Variants in TIMELESS observed in about 807,000 individuals in gnomAD.
TIMELESS encodes the protein timeless circadian regulator.
TIMELESS carries 124 observed loss-of-function variants against 164.3 expected under a neutral mutation model. The ratio of observed to expected loss-of-function variants is 0.75; its 90% CI spans 0.65 to 0.88. The LOEUF (loss-of-function observed/expected upper bound fraction) is 0.88, where lower values mean the gene tolerates loss of function less well. Ranked by LOEUF, TIMELESS falls within the 40% of genes least tolerant of loss-of-function variation. The pLI is 0.00. For missense variants in TIMELESS, 1,422 were observed against 1,491.4 expected, an observed-to-expected ratio of 0.95 and a Z score of 0.77; for synonymous variants, 564 against 563.4, an observed-to-expected ratio of 1.00 and a Z score of -0.02.
intron 8 of TIMELESS, 72 bp from the exon 9 acceptor site, chr12:56,431,040 C>G (rs1276406777): frequency 9.4e-7 from 1 of 1,065,366 alleles, no homozygotes; most frequent in African/African-American, 1.6e-5. Context: ...CTATCATCGG[C>G]ACATTGGAGC....
chr12:56,449,111 C>T (rs1051540603), intron 1 of TIMELESS, among the ~76,000 whole-genome samples, 199 bp downstream of exon 1: 1 of 152,274 alleles, frequency 6.6e-6, no homozygotes, highest in Admixed American at 6.5e-5. Flanking sequence ...AGCCCGCGTC[C>T]GGTGAGACCC....
At chr12:56,439,375 A>T (rs1162798428) in intron 1 of TIMELESS, among the ~76,000 whole-genome samples, 1 of 147,644 alleles carries the variant, frequency 6.8e-6, no homozygotes, top group Non-Finnish European at 1.5e-5. Context: ...AAATCACAGA[A>T]TTGTACAGGG....
At position 56,433,048 on chromosome 12, in the gene TIMELESS, G is replaced by A. The variant is rs1380116244; in HGVS notation, c.509C>T (p.Pro170Leu). The change falls in exon 6 of 29, where the codon CCA becomes CTA. Residue 170 changes from proline to leucine, a missense_variant. Pro to Leu is a moderately conservative substitution (Grantham distance 98, BLOSUM62 -3). Transcript: ENST00000553532. The part of the protein sequence containing the change: ...LLLVRNILHV[P>L]ADLDQEKKID... ...CACCTTCTCCTGATCAAGGTCAGCT[G>A]GGACATGGAGAATATTTCTGACCAG... is the stretch of plus-strand genomic sequence containing the variant. 1 of 1,613,482 alleles carries A rather than the reference G, an allele frequency of 6.2e-7. No homozygotes were observed. Among genetic ancestry groups the A allele is most frequent in the Non-Finnish European group, 8.5e-7 (1 of 1,179,946 alleles).
intron 1 of TIMELESS, among the ~76,000 whole-genome samples, chr12:56,437,822 A>G (rs533564512): frequency 3.2e-4 from 48 of 152,186 alleles, no homozygotes; most frequent in Admixed American, 1.2e-3. Context: ...GCTCATGCAC[A>G]TGGACTGCAT....
chr12:56,421,796 T>TA lies in TIMELESS; in HGVS notation c.2655dup (p.Ile886TyrfsTer17). On this transcript the variant is annotated frameshift_variant, in exon 22 of 29. Coordinates refer to ENST00000553532, the MANE Select transcript of TIMELESS (RefSeq NM_003920.5). LOFTEE classifies it high-confidence loss of function. ...TCCTGATCCCCCGTCCACAGTACAA[T>TA]ATGGGTTCCTTTCCTGATTAGGAAG... 1 of 1,614,124 alleles carries TA rather than the reference T, an allele frequency of 6.2e-7. No homozygotes were observed. Among genetic ancestry groups the TA allele is most frequent in the Non-Finnish European group, 8.5e-7 (1 of 1,180,014 alleles).
At position 56,417,755 on chromosome 12, in the gene TIMELESS, C is replaced by A; in HGVS notation, c.3588G>T (p.Lys1196Asn). The change falls in exon 29 of 29, where the codon AAG (lysine) becomes AAT (asparagine). Residue 1196 changes from lysine (K) to asparagine (N), a missense_variant. Lys to Asn is a moderately conservative substitution (Grantham distance 94). Coordinates refer to ENST00000553532, the MANE Select transcript of TIMELESS (RefSeq NM_003920.5). ...CATCCTCAATCTGGTATCGTTTCTT[C>A]TTTTGGATTCCTGGAGCTCCCAACT... is the stretch of plus-strand genomic sequence containing the variant. ...APELGAPGIQ[K>N]KKRYQIEDDE... 1 of 1,614,168 alleles carries A rather than the reference C, an allele frequency of 6.2e-7. No individual in the cohort carries two copies. The highest frequency in any genetic ancestry group is 1.3e-5 in the African/African-American group (1 of 75,040).
Position 56,417,702 on chromosome 12 carries a change from G to A in TIMELESS, c.*14C>T, listed in dbSNP as rs1881309416. Reference sequence around the variant, plus strand: ...AAAAACGTGTCTATCTCTACCCCTAGGCTTCTTAGCTCTTCAGTCATCCTC... The same window carrying A: ...AAAAACGTGTCTATCTCTACCCCTAAGCTTCTTAGCTCTTCAGTCATCCTC... On this transcript the variant is annotated 3_prime_UTR_variant, in exon 29 of 29. Coordinates refer to ENST00000553532, the MANE Select transcript of TIMELESS (RefSeq NM_003920.5). 3 of 1,613,828 alleles carry A rather than the reference G, an allele frequency of 1.9e-6. No homozygotes were observed. The highest frequency in any genetic ancestry group is 2.5e-6 in the Non-Finnish European group (3 of 1,179,912).
chr12:56,421,541 T>C, intron 22 of TIMELESS, 48 bp from the exon 23 acceptor site: 1 of 1,582,828 alleles, frequency 6.3e-7, no homozygotes, highest in Non-Finnish European at 8.6e-7. Flanking sequence ...GGGAAAGAGA[T>C]GAGTAAAATA....
At chr12:56,423,918 C>T (rs372956609) in intron 15 of TIMELESS, 24 bp from the exon 16 acceptor site, 3 of 1,603,184 alleles carry the variant, frequency 1.9e-6, no homozygotes, top group Non-Finnish European at 2.6e-6. Flanking sequence ...AGAAAAAAGG[C>T]TTTACCCAGG....
chr12:56,432,282 T>C, intron 7 of TIMELESS, 87 bp downstream of exon 7: 1 of 1,473,606 alleles, frequency 6.8e-7, no homozygotes, highest in Non-Finnish European at 9.2e-7. Context: ...CCCCAGATAA[T>C]GCAGCCATTA....
chr12:56,428,832 C>T (rs766592765), intron 11 of TIMELESS, 51 bp downstream of exon 11: 1 of 1,587,710 alleles, frequency 6.3e-7, no homozygotes, highest in Non-Finnish European at 8.6e-7. Flanking sequence ...AGCCAGAATT[C>T]AAGCATTCAG....
rs754156504 is a variant in TIMELESS at position 56,421,123 on chromosome 12, C to A, written c.2880G>T (p.Ala960=). The A allele has an allele frequency of 1.2e-6, 2 of 1,613,986 alleles. No individual in the cohort carries two copies. Among genetic ancestry groups the A allele is most frequent in the South Asian group, 2.2e-5 (2 of 91,070 alleles). Residue 960 remains alanine, a synonymous_variant, in exon 24 of 29, where the codon GCG becomes GCT. Coordinates refer to ENST00000553532, the MANE Select transcript of TIMELESS (RefSeq NM_003920.5). ...CCTGGCAAAAATCTTTCAGGGACTC[C>A]GCTCCATTTGGCTAAAATTCATTGG... ...KLASSILPNG[A]ESLKDFCQED...
chr12:56,431,464 C>T lies in TIMELESS; in HGVS notation c.821+7G>A. 6.2e-7 allele frequency: 1 copy of T among 1,605,108 alleles called. No individual in the cohort carries two copies. Among genetic ancestry groups the T allele is most frequent in the Non-Finnish European group, 8.5e-7 (1 of 1,177,324 alleles). On this transcript the variant is annotated splice_region_variant and intron_variant, in intron 8 of 28. Coordinates refer to ENST00000553532, the MANE Select transcript of TIMELESS (RefSeq NM_003920.5). The stretch of plus-strand genomic sequence containing the variant: ...TAGGAAAAAGAACCTGCCTCTCTGT[C>T]ACTCACCTGTTGCCTCGCTGGAGGG...
chr12:56,431,375 C>CAA, intron 8 of TIMELESS, 96 bp downstream of exon 8: 34 of 921,514 alleles, frequency 3.7e-5, no homozygotes, highest in Non-Finnish European at 4.8e-5. Flanking sequence ...AAAAAAAACA[C>CAA]TAAAATGTTG....
chr12:56,435,683 G>A (rs1882046357), intron 1 of TIMELESS, among the ~76,000 whole-genome samples: 1 of 152,206 alleles, frequency 6.6e-6, no homozygotes, highest in African/African-American at 2.4e-5. Context: ...GCGTTGGCCG[G>A]GCACGGTGGC....
chr12:56,448,599 CGCGCCTG>C (rs1868435695), intron 1 of TIMELESS, among the ~76,000 whole-genome samples: 1 of 147,428 alleles, frequency 6.8e-6, no homozygotes, highest in South Asian at 2.2e-4. Context: ...CATGGTGGCG[CGCGCCTG>C]TAATCCCAGC....
chr12:56,421,864 C>T, intron 21 of TIMELESS, 35 bp downstream of exon 21: 1 of 1,613,392 alleles, frequency 6.2e-7, no homozygotes, highest in East Asian at 2.2e-5. Flanking sequence ...CACGAGTCCC[C>T]ATCCCAATAG....
chr12:56,417,251 T>G lies in TIMELESS; in HGVS notation c.*465A>C. 1 of 169,112 alleles carries G rather than the reference T, an allele frequency of 5.9e-6. No individual in the cohort carries two copies. The highest frequency in any genetic ancestry group is 1.4e-4 in the South Asian group (1 of 7,108). 10.5% of individuals were successfully genotyped at this position (169,112 alleles called of 1,614,324 possible). ...CTATCTGGTATCTAGAGGATGATCA[T>G]AGGAAACAAAATGAGGACAGAGGCA... On this transcript the variant is annotated 3_prime_UTR_variant, in exon 29 of 29. Transcript: ENST00000553532.
chr12:56,432,051 G>C (rs1054297934), intron 7 of TIMELESS, among the ~76,000 whole-genome samples: 4 of 152,004 alleles, frequency 2.6e-5, no homozygotes, highest in Non-Finnish European at 5.9e-5. Context: ...GCAGAGGGAT[G>C]ATTCACATCT....
Sources: gnomAD v4.1 joint callset for allele counts (sites outside exome capture counted in the v4.1 genomes callset) on GRCh38, gnomAD v4.1.1 for gene constraint, MANE v1.5 for transcripts, NCBI Gene and HGNC (gene_info 2026-07-23, HGNC 2026-07-21) for gene names.